The following FRY variants were observed in gnomAD, a reference collection of about 807,000 sequenced individuals.
The protein encoded by FRY is FRY microtubule binding protein.
A neutral mutation model predicts 348.4 loss-of-function variants in FRY; 128 were observed. That is an observed-to-expected ratio of 0.37 (90% CI 0.32 to 0.43). The LOEUF is 0.43. Among genes scored for constraint, FRY ranks in the 20% least tolerant of loss-of-function variants. The pLI, the probability that FRY is intolerant of heterozygous loss-of-function variation, is 1.00. For missense variants in FRY, 2,736 were observed against 3,695.2 expected, an observed-to-expected ratio of 0.74 and a Z score of 6.73; for synonymous variants, 1,370 against 1,374.7, an observed-to-expected ratio of 1.00 and a Z score of 0.08.
chr13:32,091,584 C>G (rs1474594132), intron 2 of FRY, among the ~76,000 whole-genome samples: 1 of 152,096 alleles, frequency 6.6e-6, no homozygotes. Flanking sequence ...GAACAAAACG[C>G]TTTGGTGCAT....
chr13:32,040,388 C>T (rs909468837), intron 1 of FRY, among the ~76,000 whole-genome samples: 8 of 152,178 alleles, frequency 5.3e-5, no homozygotes, highest in African/African-American at 1.9e-4. Flanking sequence ...TTGTCTGTCA[C>T]TGATTAATGT....
intron 51 of FRY, among the ~76,000 whole-genome samples, chr13:32,258,408 T>C (rs1287285364): frequency 1.3e-5 from 2 of 151,736 alleles, no homozygotes; most frequent in African/African-American, 4.8e-5. Flanking sequence ...AGGCCAGGAG[T>C]TCAAGACCAG....
At chr13:32,061,459 T>C (rs1051923082) in intron 1 of FRY, among the ~76,000 whole-genome samples, 1 of 152,252 alleles carries the variant, frequency 6.6e-6, no homozygotes, top group Non-Finnish European at 1.5e-5. Flanking sequence ...AAAGATTTGG[T>C]ATGACACTGC....
intron 1 of FRY, among the ~76,000 whole-genome samples, chr13:32,071,121 A>C (rs1874627322): frequency 6.6e-6 from 1 of 152,132 alleles, no homozygotes; most frequent in Non-Finnish European, 1.5e-5. Context: ...GTAGCCTTGT[A>C]ATATAGTTTG....
At chr13:32,224,835 A>C in intron 37 of FRY, 98 bp from the exon 38 acceptor site, 1 of 801,662 alleles carries the variant, frequency 1.2e-6, no homozygotes, top group Non-Finnish European at 2.2e-6. Flanking sequence ...ATAATGTTTT[A>C]AAAACACTTA....
rs776871199 is a variant in FRY at position 32,239,823 on chromosome 13, G to A, written c.6629G>A (p.Arg2210Gln). The A allele has an allele frequency of 8.7e-6, 14 of 1,613,924 alleles. No individual in the cohort carries two copies. The Middle Eastern group carries it at 8.2e-4, about 95-fold the overall frequency. Reference protein sequence around the residue: ...DCATWVNVVCRYLHEAYADIT... With the variant: ...DCATWVNVVCQYLHEAYADIT... ...GCCACGTGGGTCAATGTGGTCTGTC[G>A]ATACCTTCATGAAGCATATGCTGAC... Residue 2210 changes from arginine (R) to glutamine (Q), a missense_variant, in exon 46 of 61, where the codon CGA becomes CAA. Arg to Gln is a conservative substitution (Grantham distance 43, BLOSUM62 1). Coordinates refer to ENST00000542859, the MANE Select transcript of FRY (RefSeq NM_023037.3). The surrounding 1 kb of genome is among the most constrained non-coding windows in gnomAD (Gnocchi z 4.3).
chr13:32,269,292 G>T (rs1249112853), intron 55 of FRY, among the ~76,000 whole-genome samples: 2 of 152,212 alleles, frequency 1.3e-5, no homozygotes, highest in African/African-American at 4.8e-5. Flanking sequence ...AGTGTCACTT[G>T]ACCTCAGTTC....
chr13:32,189,514 A>G (rs1182419665), intron 28 of FRY, among the ~76,000 whole-genome samples: 1 of 152,082 alleles, frequency 6.6e-6, no homozygotes, highest in Non-Finnish European at 1.5e-5. Flanking sequence ...TAATAGAAAT[A>G]AGAGTAGAAA....
chr13:32,035,088 T>C (rs537073767), intron 1 of FRY, among the ~76,000 whole-genome samples: 1 of 152,300 alleles, frequency 6.6e-6, no homozygotes, highest in African/African-American at 2.4e-5. Flanking sequence ...ACCTAGCACA[T>C]TGTAAATGCC....
At chr13:32,251,005 C>A (rs1257344668) in intron 49 of FRY, among the ~76,000 whole-genome samples, 1 of 152,180 alleles carries the variant, frequency 6.6e-6, no homozygotes, top group Non-Finnish European at 1.5e-5. Context: ...GAGTGTCTGT[C>A]CCCTCTATAA....
chr13:32,215,166 G>GT (rs1884917710), intron 35 of FRY, among the ~76,000 whole-genome samples: 1 of 151,794 alleles, frequency 6.6e-6, no homozygotes, highest in Admixed American at 6.6e-5. Context: ...AGTAGCCAAA[G>GT]TAAGAAAAGA....
chr13:32,097,756 T>G (rs945646026), intron 2 of FRY, among the ~76,000 whole-genome samples: 3 of 152,078 alleles, frequency 2.0e-5, no homozygotes, highest in Admixed American at 1.3e-4. Context: ...ATTACTATCT[T>G]ATATGTTTGG....
At chr13:32,169,806 T>C (rs1054812276) in intron 17 of FRY, among the ~76,000 whole-genome samples, 1 of 152,192 alleles carries the variant, frequency 6.6e-6, no homozygotes, top group Admixed American at 6.5e-5. Context: ...AATAAATGAA[T>C]GAATATGTAA....
intron 17 of FRY, among the ~76,000 whole-genome samples, chr13:32,164,838 C>T (rs539692304): frequency 2.0e-5 from 3 of 152,302 alleles, no homozygotes; most frequent in African/African-American, 7.2e-5. Flanking sequence ...CTAGATAGTT[C>T]CTGCTCTGTC....
In FRY at chr13:32,228,700, C is replaced by T. The variant is rs377306448; in HGVS notation, c.5405+46C>T. 4.9e-5 allele frequency: 75 copies of T among 1,516,722 alleles called. No homozygotes were observed. In the African/African-American group the frequency reaches 8.4e-4, roughly 17 times the overall value. The allele number at this position is 1,516,722 out of a possible 1,614,324, so 94.0% of individuals were successfully genotyped here. A position where few individuals can be genotyped will look rare whatever the true frequency, so the allele number is the denominator to read the frequency against. ...CGCTGCTGTTTGCAGGTTGGTCTTT[C>T]GGAAAATTGCCAACGCTTTAAACCA... is the stretch of plus-strand genomic sequence containing the variant. On this transcript the variant is annotated intron_variant, in intron 40 of 60. Transcript: ENST00000542859.
chr13:32,046,303 T>A (rs1461779130), intron 1 of FRY, among the ~76,000 whole-genome samples: 2 of 152,210 alleles, frequency 1.3e-5, no homozygotes, highest in African/African-American at 4.8e-5. Context: ...CAGCTCTGTG[T>A]TTTCCTGAAG....
In FRY at chr13:32,218,775, C is replaced by T; in HGVS notation, c.4709C>T (p.Thr1570Ile). Residue 1570 changes from threonine (T) to isoleucine (I), a missense_variant, in exon 36 of 61, where the codon ACT (threonine) becomes ATT (isoleucine). This residue lies in a region of FRY where 794 missense variants were observed against 977.0 expected (regional missense o/e 0.81). Coordinates refer to ENST00000542859, the MANE Select transcript of FRY (RefSeq NM_023037.3). ...ERFSNVIRAHTRLESRYSNSS... is the reference protein window; with the variant it reads ...ERFSNVIRAHIRLESRYSNSS... The stretch of plus-strand genomic sequence containing the variant: ...TTTAGTAATGTCATCAGAGCCCACA[C>T]TCGCCTCGAGTCAAGATACAGCAAT... The T allele has an allele frequency of 1.2e-6, 2 of 1,605,544 alleles. No individual in the cohort carries two copies. Among genetic ancestry groups the T allele is most frequent in the Non-Finnish European group, 1.7e-6 (2 of 1,172,946 alleles).
rs1281825586 is a variant in FRY, at chr13:32,124,649, C to A, written c.603C>A (p.Asn201Lys). 1 of 1,596,490 alleles carries A rather than the reference C, an allele frequency of 6.3e-7. No homozygotes were observed. The highest frequency in any genetic ancestry group is 8.6e-7 in the Non-Finnish European group (1 of 1,164,124). The change falls in exon 6 of 61, where the codon AAC becomes AAA. Residue 201 changes from asparagine (N) to lysine (K), a missense_variant. Around this residue, in one of 9 missense-constraint regions of FRY, gnomAD observed 309 missense variants for 418.1 expected, o/e 0.74. Coordinates refer to ENST00000542859, the MANE Select transcript of FRY (RefSeq NM_023037.3). Reference protein sequence around the residue: ...VIDSLIHDVINLAFKHFKYKE... With the variant: ...VIDSLIHDVIKLAFKHFKYKE... Reference sequence around the variant, plus strand: ...ACAGTTTAATACATGATGTTATTAACTTGGCTTTCAAGCACTTTAAATACA... The same window carrying A: ...ACAGTTTAATACATGATGTTATTAAATTGGCTTTCAAGCACTTTAAATACA...
chr13:32,226,680 G>A (rs1293012320), intron 39 of FRY, among the ~76,000 whole-genome samples: 1 of 152,058 alleles, frequency 6.6e-6, no homozygotes, highest in Non-Finnish European at 1.5e-5. Context: ...TTTACACATT[G>A]CATTGGCGCC....
Sources: allele counts gnomAD v4.1 joint callset (sites outside exome capture counted in the v4.1 genomes callset), GRCh38; gene constraint gnomAD v4.1.1; regional missense constraint gnomAD v4.1.1; non-coding constraint Gnocchi (gnomAD v3.1); transcripts MANE v1.5; gene names NCBI Gene and HGNC (gene_info 2026-07-23, HGNC 2026-07-21).